Variants in ODAD3 observed in about 807,000 individuals in gnomAD.
ODAD3 encodes the protein outer dynein arm docking complex subunit 3, also known as outer dynein arm-docking complex subunit 3.
Under a neutral mutation model 70.9 loss-of-function variants are expected in ODAD3, and 57 were observed. That is an observed-to-expected ratio of 0.80 (90% CI 0.65 to 1.00). ODAD3 has a LOEUF of 1.00. Among genes scored for constraint, ODAD3 ranks in the 50% least tolerant of loss-of-function variants. The pLI is 0.00. For synonymous variants in ODAD3, 327 were observed against 315.9 expected (o/e 1.04, Z -0.37); for missense variants, 797 against 763.9 (o/e 1.04, Z -0.51).
At chr19:11,432,869 C>T (rs932316384) in intron 1 of ODAD3, among the ~76,000 whole-genome samples, 7 of 152,002 alleles carry the variant, frequency 4.6e-5, no homozygotes, top group Non-Finnish European at 8.8e-5. Context: ...TCCTGGCTCA[C>T]CGCAACCTCC....
In ODAD3 at chr19:11,425,162, T is replaced by C. The variant is rs536698678; in HGVS notation, c.963+982A>G. Among the ~76,000 whole-genome samples the C allele has an allele frequency of 2.6e-4, 34 of 129,782 alleles. 1 individual carries two copies. Among genetic ancestry groups the C allele is most frequent in the East Asian group, 4.4e-4 (2 of 4,536 alleles). 85.1% of individuals were successfully genotyped at this position (129,782 alleles called of 152,430 possible). A position where few individuals can be genotyped will look rare whatever the true frequency, so the allele number is the denominator to read the frequency against. ...GTATATGTACATATGTATATATACA[T>C]ATGTGTATATGTACATATGTGTATA... On this transcript the variant is annotated intron_variant, in intron 7 of 12. Coordinates refer to ENST00000356392, the MANE Select transcript of ODAD3 (RefSeq NM_145045.5).
chr19:11,422,171 C>T lies in ODAD3; in HGVS notation c.1434+300G>A, dbSNP rs1221542317. Reference sequence around the variant, plus strand: ...GGCTGCTCCAGAACTGCAGATAGGTCTCCGAGCTTTTCGGGGACAGGGTGG... The same window carrying T: ...GGCTGCTCCAGAACTGCAGATAGGTTTCCGAGCTTTTCGGGGACAGGGTGG... On this transcript the variant is annotated intron_variant, in intron 10 of 12. Transcript: ENST00000356392. This position sits in a 1 kb window ranked among gnomAD's most constrained non-coding sequence, Gnocchi z 4.6. Among the ~76,000 whole-genome samples, 1 of 152,228 alleles carries T rather than the reference C, an allele frequency of 6.6e-6. No homozygotes were observed. The highest frequency in any genetic ancestry group is 1.5e-5 in the Non-Finnish European group (1 of 68,034).
At position 11,420,684 on chromosome 19, in the gene ODAD3, C is replaced by A; in HGVS notation, c.*151G>T. 1 of 636,706 alleles carries A rather than the reference C, an allele frequency of 1.6e-6. No individual in the cohort carries two copies. The highest frequency in any genetic ancestry group is 2.8e-6 in the Non-Finnish European group (1 of 361,582). 39.4% of individuals were successfully genotyped at this position (636,706 alleles called of 1,614,324 possible). On this transcript the variant is annotated 3_prime_UTR_variant, in exon 13 of 13. Coordinates refer to ENST00000356392, the MANE Select transcript of ODAD3 (RefSeq NM_145045.5). ...GAGATTTACTGTGGGAACGTCTGGC[C>A]CGGCCCCTTCCTCCCCTCCGGGCGC...
intron 7 of ODAD3, 83 bp downstream of exon 7, chr19:11,426,061 C>G (rs982968791): frequency 6.6e-7 from 1 of 1,521,714 alleles, no homozygotes; most frequent in Non-Finnish European, 8.8e-7. Flanking sequence ...GGGAGAAGGC[C>G]TAGGATGAGG....
upstream of ODAD3, chr19:11,435,712 T>C (rs779668284): frequency 3.0e-6 from 4 of 1,324,150 alleles, no homozygotes; most frequent in South Asian, 4.9e-5. Context: ...CTCGTGTAGG[T>C]GTGAACGAGC....
At chr19:11,426,043 CAG>C (rs1969363569) in intron 7 of ODAD3, 99 bp downstream of exon 7, 4 of 1,455,862 alleles carry the variant, frequency 2.7e-6, no homozygotes, top group Non-Finnish European at 3.6e-6. Context: ...TTAGGAGAAA[CAG>C]AAAATGGGAG....
chr19:11,428,323 C>T (rs1969430131), intron 3 of ODAD3, among the ~76,000 whole-genome samples: 1 of 152,044 alleles, frequency 6.6e-6, no homozygotes, highest in African/African-American at 2.4e-5. Flanking sequence ...CTCACTGCAA[C>T]CTCCGCCCCT....
intron 3 of ODAD3, among the ~76,000 whole-genome samples, chr19:11,428,009 A>C (rs1969421841): frequency 6.6e-6 from 1 of 151,748 alleles, no homozygotes; most frequent in African/African-American, 2.4e-5. Flanking sequence ...CTGAGGCAGA[A>C]GAATGGCGAG....
intron 3 of ODAD3, among the ~76,000 whole-genome samples, chr19:11,427,836 C>G (rs1203628137): frequency 6.6e-6 from 1 of 151,372 alleles, no homozygotes; most frequent in African/African-American, 2.4e-5. Flanking sequence ...CGCGGTGGCT[C>G]CCGCCTGTAA....
In ODAD3 at chr19:11,426,664, G is replaced by T. The variant is rs759961317; in HGVS notation, c.714+19C>A. On this transcript the variant is annotated intron_variant, in intron 5 of 12. Coordinates refer to ENST00000356392, the MANE Select transcript of ODAD3 (RefSeq NM_145045.5). ...GCCCTCCCTGTTTGTCATCTCACCC[G>T]AGCCCTCCTAGTCCCTACCATTAGA... 1.9e-6 allele frequency: 3 copies of T among 1,613,608 alleles called. No homozygotes were observed. The highest frequency in any genetic ancestry group is 2.5e-6 in the Non-Finnish European group (3 of 1,179,784).
chr19:11,425,565 G>GTA (rs1452629748), intron 7 of ODAD3, among the ~76,000 whole-genome samples: 131 of 127,354 alleles, frequency 1.0e-3, no homozygotes, highest in African/African-American at 5.0e-3. Flanking sequence ...GTATATATGT[G>GTA]TGTATGTATG....
At position 11,423,099 on chromosome 19, in the gene ODAD3, C is replaced by G. The variant is rs534857891; in HGVS notation, c.1117-238G>C. 5.3e-5 allele frequency among the ~76,000 whole-genome samples: 8 copies of G among 152,346 alleles called. No individual in the cohort carries two copies. The East Asian group carries it at 1.5e-3, about 29-fold the overall frequency. ...GGCCTATATAAGGAATTTGAGTCAG[C>G]CCAAACTCGGGGGCAACTGGAGAGG... On this transcript the variant is annotated intron_variant, in intron 8 of 12. Coordinates refer to ENST00000356392, the MANE Select transcript of ODAD3 (RefSeq NM_145045.5).
rs910383037 is a variant in ODAD3, at chr19:11,425,296, T to C, written c.963+848A>G. 7.5e-5 allele frequency among the ~76,000 whole-genome samples: 10 copies of C among 132,550 alleles called. 2 individuals carry two copies. Among genetic ancestry groups the C allele is most frequent in the South Asian group, 2.2e-4 (1 of 4,542 alleles). 87.0% of individuals were successfully genotyped at this position (132,550 alleles called of 152,430 possible). A position where few individuals can be genotyped will look rare whatever the true frequency, so the allele number is the denominator to read the frequency against. On this transcript the variant is annotated intron_variant, in intron 7 of 12. Transcript: ENST00000356392. The stretch of plus-strand genomic sequence containing the variant: ...ATGTGTGTATATGTACATATGTGTA[T>C]ATATGTGTATGTGTACATATGTGTA...
intron 12 of ODAD3, 69 bp from the exon 13 acceptor site, chr19:11,421,016 C>A (rs1448577653): frequency 6.3e-7 from 1 of 1,585,016 alleles, no homozygotes; most frequent in Admixed American, 1.7e-5. Context: ...CTCCCCTTCC[C>A]TTTACCACCC....
At chr19:11,425,006 T>TATATACATATGTGCATATATAC (rs1969256192) in intron 7 of ODAD3, among the ~76,000 whole-genome samples, 1 of 118,982 alleles carries the variant, frequency 8.4e-6, no homozygotes, top group Non-Finnish European at 1.6e-5. Flanking sequence ...TGTATATGTA[T>TATATACATATGTGCATATATAC]ATATGTGTAT....
At chr19:11,425,354 T>TGTAC (rs1969310272) in intron 7 of ODAD3, among the ~76,000 whole-genome samples, 1 of 120,876 alleles carries the variant, frequency 8.3e-6, no homozygotes, top group African/African-American at 3.9e-5. Context: ...TATATATGTG[T>TGTAC]ATATGTACAT....
chr19:11,430,534 G>A, intron 3 of ODAD3, 165 bp downstream of exon 3: 1 of 687,866 alleles, frequency 1.5e-6, no homozygotes, highest in East Asian at 2.6e-5. Context: ...TTACTACCAT[G>A]CCAGGATGCC....
intron 7 of ODAD3, among the ~76,000 whole-genome samples, chr19:11,425,505 ATGTG>A (rs1261218767): frequency 1.4e-5 from 2 of 143,120 alleles, no homozygotes; most frequent in African/African-American, 2.6e-5. Flanking sequence ...ATATGTATAT[ATGTG>A]TGTATATATG....
At chr19:11,431,561 C>T (rs1969504088) in intron 1 of ODAD3, among the ~76,000 whole-genome samples, 1 of 151,224 alleles carries the variant, frequency 6.6e-6, no homozygotes, top group Admixed American at 6.6e-5. Context: ...GAGGTAGAGG[C>T]GGGCGGATCA....
Sources: gnomAD v4.1 joint callset for allele counts (sites outside exome capture counted in the v4.1 genomes callset) on GRCh38, gnomAD v4.1.1 for gene constraint, Gnocchi (gnomAD v3.1) non-coding constraint, MANE v1.5 for transcripts, NCBI Gene and HGNC (gene_info 2026-07-23, HGNC 2026-07-21) for gene names.